Variants in SLC17A8 observed in about 807,000 individuals in gnomAD.
SLC17A8 encodes the protein vesicular glutamate transporter 3.
A neutral mutation model predicts 58.0 loss-of-function variants in SLC17A8; 31 were observed. The observed-to-expected ratio is 0.53, with a 90% CI of 0.40 to 0.72. SLC17A8 has a LOEUF of 0.72. Ranked by LOEUF, SLC17A8 falls within the 30% of genes least tolerant of loss-of-function variation. The probability of loss-of-function intolerance (pLI) is 0.00; values close to 1 mark genes in which losing one functional copy is unlikely to be tolerated. For synonymous variants in SLC17A8, 228 were observed against 249.0 expected, an observed-to-expected ratio of 0.92 and a Z score of 0.79; for missense variants, 655 against 727.8, an observed-to-expected ratio of 0.90 and a Z score of 1.15.
In SLC17A8 at chr12:100,402,391, GC is replaced by G. The variant is rs1952797795; in HGVS notation, c.818del (p.Pro273GlnfsTer15). The G allele has an allele frequency of 6.2e-7, 1 of 1,613,884 alleles. No individual in the cohort carries two copies. Among genetic ancestry groups the G allele is most frequent in the African/African-American group, 1.3e-5 (1 of 74,890 alleles). ...YMFWLLQAYE[C>X]PAAHPTISNE... ...TTTTGGCTGTTGCAGGCCTATGAGT[GC>G]CCAGCAGCTCATCCAACAATATCCA... On this transcript the variant is annotated frameshift_variant, in exon 7 of 12. Coordinates refer to ENST00000323346, the MANE Select transcript of SLC17A8 (RefSeq NM_139319.3). LOFTEE classifies it high-confidence loss of function.
At chr12:100,367,773 G>A (rs936329663) in intron 1 of SLC17A8, among the ~76,000 whole-genome samples, 3 of 152,112 alleles carry the variant, frequency 2.0e-5, no homozygotes, top group Middle Eastern at 3.4e-3. Flanking sequence ...GAATGGTCTC[G>A]AACTCCTGGG....
At chr12:100,413,898 G>A (rs1389985939) in intron 10 of SLC17A8, among the ~76,000 whole-genome samples, 1 of 152,126 alleles carries the variant, frequency 6.6e-6, no homozygotes, top group Non-Finnish European at 1.5e-5. Flanking sequence ...GATGGCTTGA[G>A]CCTGGGAGTT....
intron 1 of SLC17A8, among the ~76,000 whole-genome samples, chr12:100,359,382 A>G (rs1050086560): frequency 3.6e-4 from 55 of 152,178 alleles, no homozygotes; most frequent in African/African-American, 1.3e-3. Context: ...TTTGTTTACA[A>G]AATTGATTTG....
chr12:100,418,252 T>C, intron 11 of SLC17A8, 96 bp downstream of exon 11: 1 of 1,487,278 alleles, frequency 6.7e-7, no homozygotes, highest in Non-Finnish European at 9.3e-7. Flanking sequence ...TCTGTAAATG[T>C]GTATGTCCTT....
At chr12:100,381,011 T>C in intron 2 of SLC17A8, 58 bp downstream of exon 2, 1 of 1,605,054 alleles carries the variant, frequency 6.2e-7, no homozygotes, top group South Asian at 1.1e-5. Flanking sequence ...TCGCTCGGTC[T>C]CCCAGGCTAG....
chr12:100,412,526 A>G (rs908433117), intron 9 of SLC17A8, among the ~76,000 whole-genome samples: 106 of 150,668 alleles, frequency 7.0e-4, no homozygotes, highest in Non-Finnish European at 1.3e-3. Flanking sequence ...ATGTATACCT[A>G]TGTAATAAAC....
In SLC17A8 at chr12:100,420,041, C is replaced by T. The variant is rs1002293282; in HGVS notation, c.1652C>T (p.Thr551Ile). The change falls in exon 12 of 12, where the codon ACC becomes ATC. Residue 551 changes from threonine to isoleucine, a missense_variant. By Grantham distance (89) the Thr-to-Ile change is moderately conservative (BLOSUM62 -1). Coordinates refer to ENST00000323346, the MANE Select transcript of SLC17A8 (RefSeq NM_139319.3). Reference sequence around the variant, plus strand: ...AAAAAGAAGATGTCTTATGGAGCCACCTCCCAGAATTGTGAAGTCCAGAAG... The same window carrying T: ...AAAAAGAAGATGTCTTATGGAGCCATCTCCCAGAATTGTGAAGTCCAGAAG... ...SPKKKMSYGA[T>I]SQNCEVQKKE... 2 of 1,613,946 alleles carry T rather than the reference C, an allele frequency of 1.2e-6. No individual in the cohort carries two copies. The highest frequency in any genetic ancestry group is 1.3e-5 in the African/African-American group (1 of 74,910).
In SLC17A8 at chr12:100,391,022, C is replaced by T. The variant is rs1412787900; in HGVS notation, c.376C>T (p.Pro126Ser). 6.2e-7 allele frequency: 1 copy of T among 1,612,296 alleles called. No individual in the cohort carries two copies. Among genetic ancestry groups the T allele is most frequent in the East Asian group, 2.2e-5 (1 of 44,866 alleles). Residue 126 changes from proline to serine, a missense_variant, in exon 3 of 12, where the codon CCA (proline) becomes TCA (serine). Coordinates refer to ENST00000323346, the MANE Select transcript of SLC17A8 (RefSeq NM_139319.3). ...CCAGACAGCACAGTTTAACTGGGAT[C>T]CAGAAACAGTGGGCCTTATCCATGG... is the stretch of plus-strand genomic sequence containing the variant. ...EIQTAQFNWD[P>S]ETVGLIHGSF...
At chr12:100,393,959 C>A (rs759512771) in intron 4 of SLC17A8, among the ~76,000 whole-genome samples, 8 of 152,124 alleles carry the variant, frequency 5.3e-5, no homozygotes, top group Non-Finnish European at 8.8e-5. Flanking sequence ...TCTACTCAAC[C>A]CTGCTGTTAT....
rs188908120 is a variant in SLC17A8, at chr12:100,406,296, C to G, written c.1186+2126C>G. ...CATCATGTGGTGCCTTATTGCAGCT[C>G]TCTCAGGAAAAGATTTTAGGCAGAG... On this transcript the variant is annotated intron_variant, in intron 9 of 11. Transcript: ENST00000323346. Among the ~76,000 whole-genome samples, 6 of 152,254 alleles carry G rather than the reference C, an allele frequency of 3.9e-5. No homozygotes were observed. The East Asian group carries it at 1.2e-3, about 29-fold the overall frequency.
chr12:100,388,881 T>C (rs1952694574), intron 2 of SLC17A8, among the ~76,000 whole-genome samples: 2 of 152,230 alleles, frequency 1.3e-5, no homozygotes, highest in South Asian at 4.1e-4. Flanking sequence ...TTGATTTAGG[T>C]ACTAAGACTA....
At chr12:100,395,353 G>A (rs1010551446) in intron 4 of SLC17A8, among the ~76,000 whole-genome samples, 8 of 146,786 alleles carry the variant, frequency 5.5e-5, no homozygotes, top group Non-Finnish European at 1.2e-4. Flanking sequence ...TTGAGACAGA[G>A]TCTCACTGTG....
At chr12:100,370,279 T>C (rs1464960223) in intron 1 of SLC17A8, among the ~76,000 whole-genome samples, 2 of 151,068 alleles carry the variant, frequency 1.3e-5, no homozygotes, top group African/African-American at 4.9e-5. Context: ...TGTCAATTAA[T>C]CTAAATTTAT....
intron 1 of SLC17A8, among the ~76,000 whole-genome samples, 190 bp downstream of exon 1, chr12:100,357,682 G>T (rs1952458134): frequency 6.6e-6 from 1 of 152,094 alleles, no homozygotes; most frequent in African/African-American, 2.4e-5. Context: ...GAATAGTATT[G>T]GGTTGTATTA....
At chr12:100,358,438 A>G (rs1952462951) in intron 1 of SLC17A8, among the ~76,000 whole-genome samples, 2 of 152,222 alleles carry the variant, frequency 1.3e-5, no homozygotes. Context: ...ATTTCCAGGC[A>G]ATCTGAGATT....
intron 10 of SLC17A8, among the ~76,000 whole-genome samples, chr12:100,417,643 G>A (rs1230694379): frequency 2.0e-5 from 3 of 152,122 alleles, no homozygotes; most frequent in Non-Finnish European, 2.9e-5. Context: ...GGTAGGAGTG[G>A]GAATATTATA....
At chr12:100,360,870 C>T (rs770954215) in intron 1 of SLC17A8, among the ~76,000 whole-genome samples, 3 of 152,166 alleles carry the variant, frequency 2.0e-5, no homozygotes, top group Non-Finnish European at 4.4e-5. Context: ...GGGCTATTCT[C>T]CTAATCAGTT....
chr12:100,368,279 C>T (rs753273670), intron 1 of SLC17A8, among the ~76,000 whole-genome samples: 2 of 152,204 alleles, frequency 1.3e-5, no homozygotes, highest in Non-Finnish European at 2.9e-5. Flanking sequence ...GAATCCCAGG[C>T]GTGCCTTGGC....
chr12:100,380,142 G>C (rs1432820788), intron 1 of SLC17A8, among the ~76,000 whole-genome samples: 1 of 148,734 alleles, frequency 6.7e-6, no homozygotes, highest in Non-Finnish European at 1.5e-5. Flanking sequence ...GAGGTTGCGG[G>C]GAGCCGAGAT....
Sources: allele counts gnomAD v4.1 joint callset (sites outside exome capture counted in the v4.1 genomes callset), GRCh38; gene constraint gnomAD v4.1.1; transcripts MANE v1.5; gene names NCBI Gene and HGNC (gene_info 2026-07-23, HGNC 2026-07-21).